Variants in PRKCB observed in about 807,000 individuals in gnomAD.
The protein encoded by PRKCB is protein kinase C beta, also known as protein kinase C beta type.
Under a neutral mutation model 81.5 loss-of-function variants are expected in PRKCB, and 13 were observed. That is an observed-to-expected ratio of 0.16 (90% CI 0.10 to 0.25). The LOEUF is 0.25. Ranked by LOEUF, PRKCB falls within the 10% of genes least tolerant of loss-of-function variation. The probability of loss-of-function intolerance (pLI) is 1.00; values close to 1 mark genes in which losing one functional copy is unlikely to be tolerated. For missense variants in PRKCB, 509 were observed against 875.7 expected, an observed-to-expected ratio of 0.58 and a Z score of 5.29; for synonymous variants, 335 against 321.4, an observed-to-expected ratio of 1.04 and a Z score of -0.45.
chr16:23,910,787 G>A (rs1597241152), intron 2 of PRKCB, among the ~76,000 whole-genome samples: 1 of 151,910 alleles, frequency 6.6e-6, no homozygotes, highest in Non-Finnish European at 1.5e-5. Context: ...CATCACCCCC[G>A]AAAGAAACCC....
At chr16:23,863,604 G>A (rs1962721370) in intron 2 of PRKCB, among the ~76,000 whole-genome samples, 1 of 152,094 alleles carries the variant, frequency 6.6e-6, no homozygotes, top group Non-Finnish European at 1.5e-5. Flanking sequence ...AAATAGAATT[G>A]CATTTTGAAT....
In PRKCB at chr16:24,220,261, G is replaced by C. The variant is rs1968302602; in HGVS notation, c.*5445G>C. On this transcript the variant is annotated 3_prime_UTR_variant, in exon 17 of 17. Coordinates refer to ENST00000643927, the MANE Select transcript of PRKCB (RefSeq NM_002738.7). ...TAGAGGGCTTTTCTTTGTATGTGTA[G>C]CTTGCTAGTTTGTTTTCTACATTTG... The C allele has an allele frequency of 1.1e-6, 1 of 918,590 alleles. No homozygotes were observed. Among genetic ancestry groups the C allele is most frequent in the African/African-American group, 1.7e-5 (1 of 59,814 alleles). 56.9% of individuals were successfully genotyped at this position (918,590 alleles called of 1,614,324 possible).
intron 9 of PRKCB, among the ~76,000 whole-genome samples, chr16:24,129,442 A>G (rs1175616391): frequency 2.6e-5 from 4 of 152,098 alleles, no homozygotes; most frequent in Non-Finnish European, 5.9e-5. Flanking sequence ...AATAGCCCAA[A>G]TGGTATATTC....
intron 2 of PRKCB, among the ~76,000 whole-genome samples, chr16:23,867,408 C>T (rs567987265): frequency 8.5e-5 from 13 of 152,360 alleles, no homozygotes; most frequent in African/African-American, 2.9e-4. Context: ...AGGCGTGAGC[C>T]GCTACTCCCA....
intron 2 of PRKCB, among the ~76,000 whole-genome samples, chr16:23,959,105 T>C (rs972837499): frequency 6.6e-6 from 1 of 152,210 alleles, no homozygotes; most frequent in Non-Finnish European, 1.5e-5. Context: ...AGCCGGCTCA[T>C]TGTAAGTATT....
chr16:23,950,031 C>A (rs1964255378), intron 2 of PRKCB, among the ~76,000 whole-genome samples: 1 of 152,068 alleles, frequency 6.6e-6, no homozygotes, highest in African/African-American at 2.4e-5. Flanking sequence ...TGCTGCTGCC[C>A]ATGCTAACCG....
chr16:23,902,833 T>C (rs1963504071), intron 2 of PRKCB, among the ~76,000 whole-genome samples: 1 of 135,664 alleles, frequency 7.4e-6, no homozygotes, highest in Non-Finnish European at 1.5e-5. Flanking sequence ...AGATAGGGTC[T>C]CACTCTGTCA....
intron 13 of PRKCB, among the ~76,000 whole-genome samples, chr16:24,183,141 G>A (rs1265827730): frequency 6.6e-6 from 1 of 152,166 alleles, no homozygotes; most frequent in South Asian, 2.1e-4. Context: ...CACGTTCAAT[G>A]AGAAGTGTTC....
At chr16:23,950,101 G>A (rs1474797505) in intron 2 of PRKCB, among the ~76,000 whole-genome samples, 1 of 137,856 alleles carries the variant, frequency 7.3e-6, no homozygotes, top group Non-Finnish European at 1.5e-5. Flanking sequence ...TCCTGCTTCT[G>A]CCAACAGCAG....
intron 10 of PRKCB, among the ~76,000 whole-genome samples, chr16:24,158,801 A>G (rs936788724): frequency 6.6e-6 from 1 of 152,018 alleles, no homozygotes; most frequent in Non-Finnish European, 1.5e-5. Context: ...TAGGACTACA[A>G]GCATGCATCA....
intron 9 of PRKCB, among the ~76,000 whole-genome samples, chr16:24,143,398 CT>C (rs1408167033): frequency 6.6e-6 from 1 of 152,234 alleles, no homozygotes; most frequent in Non-Finnish European, 1.5e-5. Flanking sequence ...CTCCAAGGTG[CT>C]GGGACTACAG....
At chr16:24,187,924 A>G (rs1967729858) in intron 15 of PRKCB, among the ~76,000 whole-genome samples, 1 of 152,256 alleles carries the variant, frequency 6.6e-6, no homozygotes, top group Non-Finnish European at 1.5e-5. Context: ...GTACTCATTG[A>G]AAAGAGTTTT....
chr16:24,197,694 G>T (rs528724057), intron 16 of PRKCB, among the ~76,000 whole-genome samples: 2 of 152,270 alleles, frequency 1.3e-5, no homozygotes, highest in African/African-American at 4.8e-5. Flanking sequence ...CCAGGCAAAA[G>T]GTGATAGGAG....
At position 24,219,848 on chromosome 16, in the gene PRKCB, G is replaced by T; in HGVS notation, c.*5032G>T. 7.0e-7 allele frequency: 1 copy of T among 1,433,866 alleles called. No individual in the cohort carries two copies. Among genetic ancestry groups the T allele is most frequent in the Non-Finnish European group, 9.2e-7 (1 of 1,090,804 alleles). The allele number at this position is 1,433,866 out of a possible 1,614,324, so 88.8% of individuals were successfully genotyped here. A position where few individuals can be genotyped will look rare whatever the true frequency, so the allele number is the denominator to read the frequency against. ...CAGCTGCTAAAAATTTTCAGCACAG[G>T]GCTCTTTCTGACTCTGCTCATGAGA... is the stretch of plus-strand genomic sequence containing the variant. On this transcript the variant is annotated 3_prime_UTR_variant, in exon 17 of 17. Transcript: ENST00000643927.
chr16:23,893,931 G>C (rs184532638), intron 2 of PRKCB: 1 of 152,326 alleles, frequency 6.6e-6, no homozygotes, highest in African/African-American at 2.4e-5. Flanking sequence ...GTTAGGTTTT[G>C]CTGTGTAACA....
intron 2 of PRKCB, among the ~76,000 whole-genome samples, chr16:23,913,611 G>C (rs1963694478): frequency 6.6e-6 from 1 of 152,224 alleles, no homozygotes; most frequent in Non-Finnish European, 1.5e-5. Context: ...AGACTAGCTA[G>C]CCTTGAAAGC....
chr16:24,035,983 G>A (rs542715215), intron 5 of PRKCB, among the ~76,000 whole-genome samples: 1 of 152,134 alleles, frequency 6.6e-6, no homozygotes, highest in Non-Finnish European at 1.5e-5. Context: ...ATGGAGTCTT[G>A]ATGATAAACC....
At chr16:24,147,321 A>G in intron 9 of PRKCB, among the ~76,000 whole-genome samples, 1 of 151,806 alleles carries the variant, frequency 6.6e-6, no homozygotes, top group East Asian at 1.9e-4. Flanking sequence ...AAAAAAAAAA[A>G]ACTTCACAGC....
chr16:23,843,514 A>C (rs1054016946), intron 2 of PRKCB, among the ~76,000 whole-genome samples: 3 of 152,130 alleles, frequency 2.0e-5, no homozygotes, highest in Admixed American at 2.0e-4. Context: ...GAGTGGGTTA[A>C]CATTGAGTCT....
Sources: allele counts gnomAD v4.1 joint callset (sites outside exome capture counted in the v4.1 genomes callset), GRCh38; gene constraint gnomAD v4.1.1; transcripts MANE v1.5; gene names NCBI Gene and HGNC (gene_info 2026-07-23, HGNC 2026-07-21).